The following FRY variants were observed in gnomAD, a reference collection of about 807,000 sequenced individuals.
The protein encoded by FRY is FRY microtubule binding protein.
Under a neutral mutation model 348.4 loss-of-function variants are expected in FRY, and 128 were observed. The ratio of observed to expected loss-of-function variants is 0.37; its 90% CI spans 0.32 to 0.43. FRY has a LOEUF of 0.43. Ranked by LOEUF, FRY falls within the 20% of genes least tolerant of loss-of-function variation. The pLI, the probability that FRY is intolerant of heterozygous loss-of-function variation, is 1.00. For synonymous variants in FRY, 1,370 were observed against 1,374.7 expected, an observed-to-expected ratio of 1.00 and a Z score of 0.08; for missense variants, 2,736 against 3,695.2, an observed-to-expected ratio of 0.74 and a Z score of 6.73.
In FRY at chr13:32,239,429, A is replaced by G. The variant is rs1886388187; in HGVS notation, c.6516+80A>G. On this transcript the variant is annotated intron_variant, in intron 45 of 60. Transcript: ENST00000542859. The surrounding 1 kb of genome is among the most constrained non-coding windows in gnomAD (Gnocchi z 4.3). Reference sequence around the variant, plus strand: ...TAGTGTCAGGCAAATTACAAGGCCCAGAGATGGCAGTGATTTTCTCAAAAA... The same window carrying G: ...TAGTGTCAGGCAAATTACAAGGCCCGGAGATGGCAGTGATTTTCTCAAAAA... The G allele has an allele frequency of 1.2e-6, 1 of 854,760 alleles. No individual in the cohort carries two copies. The highest frequency in any genetic ancestry group is 2.4e-5 in the East Asian group (1 of 41,534). 52.9% of individuals were successfully genotyped at this position (854,760 alleles called of 1,614,324 possible). A position where few individuals can be genotyped will look rare whatever the true frequency, so the allele number is the denominator to read the frequency against.
chr13:32,178,109 C>T, intron 20 of FRY, 68 bp from the exon 21 acceptor site: 2 of 1,555,112 alleles, frequency 1.3e-6, no homozygotes, highest in South Asian at 2.2e-5. Flanking sequence ...AGTAGTCAGG[C>T]TGAGCCTTGA....
chr13:32,223,002 G>A (rs1885394535), intron 36 of FRY, among the ~76,000 whole-genome samples: 1 of 152,028 alleles, frequency 6.6e-6, no homozygotes, highest in South Asian at 2.1e-4. Context: ...CAGCCAGGCT[G>A]GAGTGCAGTG....
intron 1 of FRY, among the ~76,000 whole-genome samples, chr13:32,037,027 TACACACACACAC>T (rs63370460): frequency 5.0e-5 from 5 of 99,524 alleles, no homozygotes; most frequent in Admixed American, 1.1e-4. Flanking sequence ...CTCTCTGTTT[TACACACACACAC>T]ACACACACAC....
At chr13:32,185,226 T>A (rs1593710923) in intron 26 of FRY, 78 bp downstream of exon 26, 1 of 1,278,612 alleles carries the variant, frequency 7.8e-7, no homozygotes, top group South Asian at 1.2e-5. Flanking sequence ...GCTTTCGTCT[T>A]TAACCCTACT....
intron 11 of FRY, among the ~76,000 whole-genome samples, chr13:32,141,727 C>T (rs1308325977): frequency 2.0e-5 from 3 of 152,220 alleles, no homozygotes; most frequent in Non-Finnish European, 4.4e-5. Context: ...TCAGTGAATT[C>T]ACTTGTCCCC....
intron 10 of FRY, 76 bp from the exon 11 acceptor site, chr13:32,136,795 G>A (rs1222917494): frequency 3.4e-6 from 3 of 895,504 alleles, no homozygotes; most frequent in Non-Finnish European, 5.7e-6. Flanking sequence ...TGGCAAGGTA[G>A]TGGGTACAGA....
intron 2 of FRY, chr13:32,086,151 G>A (rs1055827466): frequency 1.4e-4 from 53 of 379,934 alleles, no homozygotes; most frequent in Non-Finnish European, 2.5e-4. Flanking sequence ...CCGCATAATG[G>A]CCAGGCAGCC....
intron 35 of FRY, among the ~76,000 whole-genome samples, chr13:32,215,768 C>T (rs760052829): frequency 2.0e-5 from 3 of 152,118 alleles, no homozygotes; most frequent in Non-Finnish European, 2.9e-5. Flanking sequence ...CGGAGTTTCA[C>T]TATGTTGCCC....
Position 32,272,892 on chromosome 13 carries a change from T to C in FRY, c.8137-1950T>C, listed in dbSNP as rs528034937. Among the ~76,000 whole-genome samples the C allele has an allele frequency of 2.7e-3, 409 of 148,880 alleles. 2 individuals carry two copies. Among genetic ancestry groups the C allele is most frequent in the African/African-American group, 9.6e-3 (389 of 40,622 alleles). ...CTGGGATTACAGGTACACACCACCG[T>C]GCCCAGCTAATTTTTTGGTATTTTT... On this transcript the variant is annotated intron_variant, in intron 55 of 60. Transcript: ENST00000542859.
rs140549114 is a variant in FRY at position 32,232,528 on chromosome 13, T to C, written c.5527+1228T>C. Among the ~76,000 whole-genome samples, 739 of 152,310 alleles carry C rather than the reference T, an allele frequency of 4.9e-3. 7 individuals carry two copies. Among genetic ancestry groups the C allele is most frequent in the African/African-American group, 0.017 (710 of 41,568 alleles). On this transcript the variant is annotated intron_variant, in intron 41 of 60. Coordinates refer to ENST00000542859, the MANE Select transcript of FRY (RefSeq NM_023037.3). ...TCCTGTAACAGTTCAGTGCAGGTGTTTGGCAGGTGGCCTTCCGCTAGGTGC... is the reference window on the plus strand; with the variant it reads ...TCCTGTAACAGTTCAGTGCAGGTGTCTGGCAGGTGGCCTTCCGCTAGGTGC...
intron 11 of FRY, among the ~76,000 whole-genome samples, chr13:32,141,482 A>G (rs1193437139): frequency 6.6e-6 from 1 of 152,254 alleles, no homozygotes. Context: ...GTAGATGACT[A>G]AAATTATCTG....
At chr13:32,139,089 G>A (rs1200927037) in intron 11 of FRY, among the ~76,000 whole-genome samples, 1 of 152,174 alleles carries the variant, frequency 6.6e-6, no homozygotes, top group Admixed American at 6.5e-5. Flanking sequence ...AAATAAAATT[G>A]TATTGCATAT....
rs760689490 is a variant in FRY, at chr13:32,244,115, A to G, written c.6761A>G (p.Asp2254Gly). ...ATCTACAGTCTTCTCAGCTACATGG[A>G]CCTTTCTGTCGTTCCTGTCAAACAG... is the stretch of plus-strand genomic sequence containing the variant. ...QVIYSLLSYM[D>G]LSVVPVKQFN... The change falls in exon 47 of 61, where the codon GAC becomes GGC. Residue 2254 changes from aspartate (D) to glycine (G), a missense_variant. Asp to Gly is a moderately conservative substitution (Grantham distance 94). Around this residue, in one of 9 missense-constraint regions of FRY, gnomAD observed 789 missense variants for 996.2 expected, o/e 0.79. Transcript: ENST00000542859. The G allele has an allele frequency of 6.2e-6, 10 of 1,613,754 alleles. No homozygotes were observed. The African/African-American group carries it at 1.3e-4, about 22-fold the overall frequency.
At chr13:32,207,272 G>A (rs1884409489) in intron 31 of FRY, among the ~76,000 whole-genome samples, 1 of 152,016 alleles carries the variant, frequency 6.6e-6, no homozygotes, top group Non-Finnish European at 1.5e-5. Flanking sequence ...TTAAAGTCCA[G>A]ATCCTTCTAG....
chr13:32,196,476 T>TA (rs1357114779), intron 29 of FRY, among the ~76,000 whole-genome samples: 54 of 152,346 alleles, frequency 3.5e-4, no homozygotes, highest in African/African-American at 1.3e-3. Context: ...TTTGCATAAT[T>TA]AATGTATCAG....
Position 32,234,599 on chromosome 13 carries a change from T to G in FRY, c.5553T>G (p.Ser1851Arg), listed in dbSNP as rs1064656. ...KSGFHLEHQLSEVALQTALAS... is the reference protein window; with the variant it reads ...KSGFHLEHQLREVALQTALAS... ...GCTTCCATCTGGAGCACCAGTTGAG[T>G]GAAGTTGCATTGCAGACAGCCCTCG... is the stretch of plus-strand genomic sequence containing the variant. The change falls in exon 42 of 61, where the codon AGT becomes AGG. Residue 1851 changes from serine (S) to arginine (R), a missense_variant. Ser to Arg is a moderately radical substitution (Grantham distance 110, BLOSUM62 -1). Transcript: ENST00000542859. 6.2e-7 allele frequency: 1 copy of G among 1,614,048 alleles called. No individual in the cohort carries two copies.
At chr13:32,215,582 T>A (rs557251606) in intron 35 of FRY, among the ~76,000 whole-genome samples, 1 of 152,332 alleles carries the variant, frequency 6.6e-6, no homozygotes, top group East Asian at 1.9e-4. Flanking sequence ...AAGTTTTTGT[T>A]TTTGTTTTTC....
At position 32,251,908 on chromosome 13, in the gene FRY, C is replaced by T. The variant is rs373403542; in HGVS notation, c.7201C>T (p.Leu2401Phe). The T allele has an allele frequency of 3.1e-6, 5 of 1,613,082 alleles. No individual in the cohort carries two copies. Among genetic ancestry groups the T allele is most frequent in the Non-Finnish European group, 3.4e-6 (4 of 1,179,090 alleles). ...KRTKEKLVHV[L>F]SLCGQEVGLS... ...AACAAAAGAGAAGTTGGTACATGTC[C>T]TTTCTCTGTGTGGCCAAGAAGTAGG... is the stretch of plus-strand genomic sequence containing the variant. The change falls in exon 50 of 61, where the codon CTT (leucine) becomes TTT (phenylalanine). Residue 2401 changes from leucine (L) to phenylalanine (F), a missense_variant. Transcript: ENST00000542859.
At chr13:32,202,268 A>T in intron 30 of FRY, 88 bp from the exon 31 acceptor site, 1 of 1,025,836 alleles carries the variant, frequency 9.7e-7, no homozygotes, top group Non-Finnish European at 1.5e-6. Context: ...TAATTTTGTT[A>T]CTTCTAACCT....
Sources: allele counts gnomAD v4.1 joint callset (sites outside exome capture counted in the v4.1 genomes callset), GRCh38; gene constraint gnomAD v4.1.1; regional missense constraint gnomAD v4.1.1; non-coding constraint Gnocchi (gnomAD v3.1); transcripts MANE v1.5; gene names NCBI Gene and HGNC (gene_info 2026-07-23, HGNC 2026-07-21).